Variants in ADAMTS9 observed in about 807,000 individuals in gnomAD.
ADAMTS9 encodes A disintegrin and metalloproteinase with thrombospondin motifs 9.
In ADAMTS9, 107 loss-of-function variants were observed where a neutral mutation model predicts 257.1. The observed-to-expected ratio is 0.42, with a 90% CI of 0.36 to 0.49. ADAMTS9 has a LOEUF of 0.49. Among genes scored for constraint, ADAMTS9 ranks in the 20% least tolerant of loss-of-function variants. ADAMTS9 has a pLI of 0.03. For missense variants in ADAMTS9, 2,353 were observed against 2,469.1 expected, an observed-to-expected ratio of 0.95 and a Z score of 1.00; for synonymous variants, 982 against 880.9, an observed-to-expected ratio of 1.11 and a Z score of -2.03.
chr3:64,529,128 G>T (rs2082946215), intron 38 of ADAMTS9, among the ~76,000 whole-genome samples: 1 of 152,196 alleles, frequency 6.6e-6, no homozygotes, highest in African/African-American at 2.4e-5. Context: ...CAGCACAGCT[G>T]GGAGGAAGAC....
At chr3:64,568,656 C>A in intron 28 of ADAMTS9, 121 bp from the exon 29 acceptor site, 1 of 1,197,610 alleles carries the variant, frequency 8.3e-7, no homozygotes, top group Admixed American at 2.4e-5. Context: ...CCCTCTTTTA[C>A]AGCGCCAGTT....
intron 3 of ADAMTS9, among the ~76,000 whole-genome samples, chr3:64,666,547 C>A (rs1229122328): frequency 6.6e-6 from 1 of 152,138 alleles, no homozygotes; most frequent in Non-Finnish European, 1.5e-5. Flanking sequence ...CCAGGCCAAC[C>A]CTGGTTTCCA....
Position 64,652,254 on chromosome 3 carries a change from A to T in ADAMTS9, c.1317-1091T>A, listed in dbSNP as rs114332673. 7.1e-4 allele frequency among the ~76,000 whole-genome samples: 108 copies of T among 152,356 alleles called. 1 individual carries two copies. The highest frequency in any genetic ancestry group is 6.8e-3 in the Middle Eastern group (2 of 294). ...TAAAAGTTGGAATAAAAGCCTATGG[A>T]GTCTATTCCATTAATTTATCACATT... On this transcript the variant is annotated intron_variant, in intron 8 of 39. Coordinates refer to ENST00000498707, the MANE Select transcript of ADAMTS9 (RefSeq NM_182920.2).
chr3:64,631,616 A>G (rs1477685337), intron 15 of ADAMTS9, 66 bp from the exon 16 acceptor site: 20 of 1,391,766 alleles, frequency 1.4e-5, no homozygotes, highest in Non-Finnish European at 2.0e-5. Flanking sequence ...GTATGGAATA[A>G]AAAGTGGACA....
Position 64,658,535 on chromosome 3 carries a change from G to C in ADAMTS9, c.936C>G (p.Asn312Lys). Reference sequence around the variant, plus strand: ...TTAAAGTTAAAATATAGTGTTGAAGGTTTTCTCCATGGTATGAAACCATTC... The same window carrying C: ...TTAAAGTTAAAATATAGTGTTGAAGCTTTTCTCCATGGTATGAAACCATTC... ...DNRMVSYHGENLQHYILTLMS... is the reference protein window; with the variant it reads ...DNRMVSYHGEKLQHYILTLMS... Residue 312 changes from asparagine to lysine, a missense_variant, in exon 4 of 40, where the codon AAC becomes AAG. Transcript: ENST00000498707. The C allele has an allele frequency of 5.6e-6, 9 of 1,613,410 alleles. No individual in the cohort carries two copies. The highest frequency in any genetic ancestry group is 7.6e-6 in the Non-Finnish European group (9 of 1,179,838).
intron 16 of ADAMTS9, among the ~76,000 whole-genome samples, chr3:64,627,879 C>G (rs1039951519): frequency 1.3e-5 from 2 of 152,094 alleles, no homozygotes; most frequent in Admixed American, 1.3e-4. Context: ...GGACTCAACG[C>G]GAGACTCAGT....
chr3:64,655,863 A>C lies in ADAMTS9; in HGVS notation c.982T>G (p.Tyr328Asp). 6.4e-7 allele frequency: 1 copy of C among 1,560,306 alleles called. No homozygotes were observed. Among genetic ancestry groups the C allele is most frequent in the African/African-American group, 1.4e-5 (1 of 72,286 alleles). Residue 328 changes from tyrosine (Y) to aspartate (D), a missense_variant, in exon 5 of 40, where the codon TAT (tyrosine) becomes GAT (aspartate). Physicochemically the swap from Tyr to Asp is radical, Grantham distance 160. Around this residue, in one of 3 missense-constraint regions of ADAMTS9, gnomAD observed 591 missense variants for 569.6 expected, o/e 1.04. Transcript: ENST00000498707. ...LTLMSIVASI[Y>D]KDPSIGNLIN... ...AAATTTCCAATACTTGGGTCTTTAT[A>C]GATAGAGGCTACCTGCAACCGAGAT...
chr3:64,631,826 A>G lies in ADAMTS9; in HGVS notation c.2275T>C (p.Phe759Leu). ...NSSCKTVAGT[F>L]NTVHYGYNTV... is the part of the protein sequence containing the mutation. ...TTCTTACCATAATGTACTGTATTAAATGTTCCTGCCACTGTTTTGCATGAA... is the reference window on the plus strand; with the variant it reads ...TTCTTACCATAATGTACTGTATTAAGTGTTCCTGCCACTGTTTTGCATGAA... The change falls in exon 15 of 40, where the codon TTT (phenylalanine) becomes CTT (leucine). Residue 759 changes from phenylalanine (F) to leucine (L), a missense_variant. Coordinates refer to ENST00000498707, the MANE Select transcript of ADAMTS9 (RefSeq NM_182920.2). 1 of 1,613,300 alleles carries G rather than the reference A, an allele frequency of 6.2e-7. No individual in the cohort carries two copies. Among genetic ancestry groups the G allele is most frequent in the African/African-American group, 1.3e-5 (1 of 75,010 alleles).
intron 38 of ADAMTS9, chr3:64,522,598 C>G (rs1386072476): frequency 5.4e-6 from 1 of 185,492 alleles, no homozygotes; most frequent in African/African-American, 2.4e-5. Flanking sequence ...TATTGGAATA[C>G]AGCCACATTC....
intron 22 of ADAMTS9, among the ~76,000 whole-genome samples, chr3:64,609,890 C>A (rs2084633768): frequency 6.6e-6 from 1 of 152,108 alleles, no homozygotes; most frequent in African/African-American, 2.4e-5. Flanking sequence ...CTACAGTGAT[C>A]AAAACAGTCT....
At chr3:64,586,824 C>T (rs924473389) in intron 28 of ADAMTS9, 1 of 152,102 alleles carries the variant, frequency 6.6e-6, no homozygotes, top group East Asian at 1.9e-4. Context: ...CAGAGCCCTG[C>T]AAAGCTAATC....
intron 22 of ADAMTS9, among the ~76,000 whole-genome samples, chr3:64,612,991 C>T (rs1439566226): frequency 6.6e-6 from 1 of 152,152 alleles, no homozygotes; most frequent in African/African-American, 2.4e-5. Context: ...GCCAGAGACT[C>T]TGGTGCTGGA....
chr3:64,602,194 T>C lies in ADAMTS9; in HGVS notation c.3767A>G (p.Gln1256Arg). 1 of 1,613,948 alleles carries C rather than the reference T, an allele frequency of 6.2e-7. No individual in the cohort carries two copies. The highest frequency in any genetic ancestry group is 1.1e-5 in the South Asian group (1 of 91,072). ...CATCACTTGCCGGGTTGCCCTACCT[T>C]GCCCACAGGTCACAGAGCACTAGGT... ...DWSSCSVTCG[Q>R]GRATRQVMCV... is the part of the protein sequence containing the mutation. The change falls in exon 26 of 40, where the codon CAA becomes CGA. Residue 1256 changes from glutamine (Q) to arginine (R), a missense_variant. Transcript: ENST00000498707.
intron 3 of ADAMTS9, among the ~76,000 whole-genome samples, chr3:64,676,008 G>T (rs777921324): frequency 2.0e-5 from 3 of 152,162 alleles, no homozygotes; most frequent in Non-Finnish European, 2.9e-5. Flanking sequence ...TAATGGGAGT[G>T]ATAAACAGAG....
In ADAMTS9 at chr3:64,654,401, T is replaced by A; in HGVS notation, c.1268A>T (p.Asp423Val). The stretch of plus-strand genomic sequence containing the variant: ...CGTAAAAGCTGTACTCAATCCACTA[T>A]CTTCACTAATAGAACAGCTTCTATA... Reference protein sequence around the residue: ...DPYRSCSISEDSGLSTAFTIA... With the variant: ...DPYRSCSISEVSGLSTAFTIA... The change falls in exon 8 of 40, where the codon GAT (aspartate) becomes GTT (valine). Residue 423 changes from aspartate (D) to valine (V), a missense_variant. Coordinates refer to ENST00000498707, the MANE Select transcript of ADAMTS9 (RefSeq NM_182920.2). The A allele has an allele frequency of 6.2e-7, 1 of 1,614,098 alleles. No homozygotes were observed. The highest frequency in any genetic ancestry group is 8.5e-7 in the Non-Finnish European group (1 of 1,180,018).
chr3:64,670,500 T>A (rs1346878494), intron 3 of ADAMTS9, among the ~76,000 whole-genome samples: 1 of 152,228 alleles, frequency 6.6e-6, no homozygotes. Context: ...GCATGAAATC[T>A]ACGGTGCATG....
chr3:64,636,329 G>A (rs1290592017), intron 12 of ADAMTS9, among the ~76,000 whole-genome samples: 1 of 152,108 alleles, frequency 6.6e-6, no homozygotes, highest in East Asian at 1.9e-4. Context: ...TACTCCTTAT[G>A]GTTAGAAACA....
chr3:64,664,335 A>G (rs1701292098), intron 3 of ADAMTS9, among the ~76,000 whole-genome samples: 1 of 152,184 alleles, frequency 6.6e-6, no homozygotes, highest in South Asian at 2.1e-4. Flanking sequence ...AGTGGTTTTC[A>G]GGATATTCAT....
At chr3:64,574,463 C>A (rs1277743420) in intron 28 of ADAMTS9, among the ~76,000 whole-genome samples, 2 of 142,840 alleles carry the variant, frequency 1.4e-5, no homozygotes, top group African/African-American at 2.7e-5. Context: ...TGGCTCATGA[C>A]TTTAATGCCA....
Sources: gnomAD v4.1 joint callset for allele counts (sites outside exome capture counted in the v4.1 genomes callset) on GRCh38, gnomAD v4.1.1 for gene constraint, gnomAD v4.1.1 regional missense constraint, MANE v1.5 for transcripts, NCBI Gene and HGNC (gene_info 2026-07-23, HGNC 2026-07-21) for gene names.